The following TENT5D variants were observed in gnomAD, a reference collection of about 807,000 sequenced individuals.
TENT5D encodes the protein cancer/testis antigen 112.
For missense variants in TENT5D, 191 were observed against 287.0 expected (o/e 0.67, Z 2.42); for synonymous variants, 103 against 100.6 (o/e 1.02, Z -0.15).
At chrX:80,371,913 A>G (rs1930630804) in intron 3 of TENT5D, among the ~76,000 whole-genome samples, 1 of 111,511 alleles carries the variant, frequency 9.0e-6, no homozygotes. Flanking sequence ...ATGTCCTTTA[A>G]TAGCTTTGTA....
chrX:80,377,835 AGTT>A (rs1336486831), intron 3 of TENT5D, among the ~76,000 whole-genome samples: 1 of 111,928 alleles, frequency 8.9e-6, no homozygotes, highest in Non-Finnish European at 1.9e-5. Context: ...TGGTTGAACT[AGTT>A]TACACTCCCA....
chrX:80,383,237 T>C (rs1165041481), intron 3 of TENT5D, among the ~76,000 whole-genome samples: 2 of 112,290 alleles, frequency 1.8e-5, no homozygotes, highest in Admixed American at 1.9e-4. Context: ...CATTCCACGA[T>C]TTTAGAGATA....
intron 3 of TENT5D, among the ~76,000 whole-genome samples, chrX:80,368,491 A>G (rs1930553262): frequency 9.0e-6 from 1 of 111,495 alleles, no homozygotes; most frequent in South Asian, 3.7e-4. Flanking sequence ...GATTCTATTC[A>G]TCTTTTATCT....
chrX:80,363,466 A>T (rs1930448095), intron 3 of TENT5D, among the ~76,000 whole-genome samples: 1 of 111,785 alleles, frequency 8.9e-6, no homozygotes, highest in Admixed American at 9.5e-5. Flanking sequence ...TTTGTTCTAA[A>T]CCCTACTACC....
At chrX:80,426,018 C>A (rs999641914) in intron 1 of TENT5D, among the ~76,000 whole-genome samples, 1 of 110,443 alleles carries the variant, frequency 9.1e-6, no homozygotes, top group African/African-American at 3.3e-5. Context: ...CAGAGTGAGA[C>A]TCCATCTCAA....
chrX:80,386,462 G>A (rs1228997716), intron 3 of TENT5D, among the ~76,000 whole-genome samples: 2 of 110,826 alleles, frequency 1.8e-5, no homozygotes, highest in Admixed American at 9.7e-5. Context: ...TGTAAATACC[G>A]AGTTAATGGG....
chrX:80,416,542 C>T (rs1363158134), upstream of TENT5D, among the ~76,000 whole-genome samples: 2 of 109,508 alleles, frequency 1.8e-5, no homozygotes, highest in African/African-American at 6.7e-5. Context: ...CCTTAATTTC[C>T]TCGTTTACCC....
chrX:80,364,182 T>G (rs1250120544), intron 3 of TENT5D, among the ~76,000 whole-genome samples: 1 of 111,798 alleles, frequency 8.9e-6, no homozygotes, highest in Non-Finnish European at 1.9e-5. Flanking sequence ...CACTGCCTAC[T>G]TTACAAGCTG....
At chrX:80,382,796 G>A (rs777597783) in intron 3 of TENT5D, among the ~76,000 whole-genome samples, 9 of 111,802 alleles carry the variant, frequency 8.0e-5, no homozygotes, top group Admixed American at 1.9e-4. Flanking sequence ...GGGACTGACT[G>A]AGCCATGCAC....
rs1467549545 is a variant in TENT5D, at chrX:80,349,372, C to A, written c.-142+6808C>A. Among the ~76,000 whole-genome samples, 3 of 111,598 alleles carry A rather than the reference C, an allele frequency of 2.7e-5. No homozygotes were observed. The East Asian group carries it at 8.4e-4, about 31-fold the overall frequency. On this transcript the variant is annotated intron_variant, in intron 3 of 4. Transcript: ENST00000538312. Reference sequence around the variant, plus strand: ...GTCTATTCAGGGATTCGACTTCTTCCTGGTTTAGTCTTGGGATGGTGTATG... The same window carrying A: ...GTCTATTCAGGGATTCGACTTCTTCATGGTTTAGTCTTGGGATGGTGTATG...
intron 3 of TENT5D, among the ~76,000 whole-genome samples, chrX:80,398,717 A>G (rs1452263451): frequency 9.0e-6 from 1 of 110,514 alleles, no homozygotes; most frequent in African/African-American, 3.3e-5. Flanking sequence ...TCAATTGGCT[A>G]TGGACATGTG....
chrX:80,387,304 A>G (rs1239886428), intron 3 of TENT5D, among the ~76,000 whole-genome samples: 3 of 111,435 alleles, frequency 2.7e-5, no homozygotes, highest in African/African-American at 6.5e-5. Flanking sequence ...ATATCCCCCA[A>G]TTTCTGGGCA....
At chrX:80,337,789 T>G (rs868300357) in intron 2 of TENT5D, among the ~76,000 whole-genome samples, 2 of 110,476 alleles carry the variant, frequency 1.8e-5, no homozygotes, top group South Asian at 3.8e-4. Flanking sequence ...TTTTTTGGAG[T>G]TGGAGTCTCG....
chrX:80,383,683 G>A (rs771021307), intron 3 of TENT5D, among the ~76,000 whole-genome samples: 1 of 110,612 alleles, frequency 9.0e-6, no homozygotes, highest in Non-Finnish European at 1.9e-5. Context: ...AGTGACACCC[G>A]GTCTCTACCA....
chrX:80,384,550 A>G (rs1375830962), intron 3 of TENT5D, among the ~76,000 whole-genome samples: 1 of 72,166 alleles, frequency 1.4e-5, no homozygotes, highest in African/African-American at 5.2e-5. Flanking sequence ...CTCCTATTCA[A>G]CATAGTGTTG....
intron 3 of TENT5D, among the ~76,000 whole-genome samples, chrX:80,353,747 A>G (rs1204525307): frequency 1.8e-5 from 2 of 111,957 alleles, no homozygotes; most frequent in African/African-American, 3.3e-5. Flanking sequence ...ATATGCATGC[A>G]TGTGTCTTTA....
At chrX:80,375,146 G>A (rs1400175008) in intron 3 of TENT5D, among the ~76,000 whole-genome samples, 1 of 109,997 alleles carries the variant, frequency 9.1e-6, no homozygotes, top group African/African-American at 3.3e-5. Context: ...TTTCTTTTCT[G>A]GAATATTCAC....
chrX:80,441,564 G>A (rs191655777), intron 2 of TENT5D, among the ~76,000 whole-genome samples: 1 of 111,289 alleles, frequency 9.0e-6, no homozygotes, highest in East Asian at 2.8e-4. Flanking sequence ...CATGTTGAAT[G>A]TTATTTACTT....
intron 1 of TENT5D, among the ~76,000 whole-genome samples, chrX:80,437,518 T>A (rs1453073688): frequency 9.0e-6 from 1 of 111,638 alleles, no homozygotes; most frequent in Non-Finnish European, 1.9e-5. Context: ...TACGATCTTA[T>A]TGAACACAGT....
Sources: gnomAD v4.1 joint callset for allele counts (sites outside exome capture counted in the v4.1 genomes callset) on GRCh38, gnomAD v4.1.1 for gene constraint, MANE v1.5 for transcripts, NCBI Gene and HGNC (gene_info 2026-07-23, HGNC 2026-07-21) for gene names.